C10orf143: variants seen among roughly 807,000 people sequenced by gnomAD.
The protein encoded by C10orf143 is chromosome 10 open reading frame 143.
chr10:130,072,925 G>A (rs1861055720), intron 3 of C10orf143, among the ~76,000 whole-genome samples: 1 of 152,196 alleles, frequency 6.6e-6, no homozygotes, highest in Non-Finnish European at 1.5e-5. Flanking sequence ...CTTGTTCAAT[G>A]CAAGGTTGCC....
chr10:130,063,245 A>T (rs1026293650), downstream of C10orf143, among the ~76,000 whole-genome samples: 1 of 152,228 alleles, frequency 6.6e-6, no homozygotes, highest in Non-Finnish European at 1.5e-5. Flanking sequence ...GAGGGTGAGA[A>T]GGAAGAGTTT....
At chr10:130,042,440 G>A (rs950805818) in intron 3 of C10orf143, among the ~76,000 whole-genome samples, 1 of 152,204 alleles carries the variant, frequency 6.6e-6, no homozygotes, top group African/African-American at 2.4e-5. Context: ...CATTGTGATC[G>A]ATTTCACCAT....
chr10:130,106,662 T>C (rs1292200241), intron 1 of C10orf143: 3 of 1,240,968 alleles, frequency 2.4e-6, no homozygotes, highest in South Asian at 2.4e-5. Context: ...CAACTGAAGA[T>C]AGCAATAAAA....
chr10:130,092,737 C>T (rs921438641), intron 1 of C10orf143, among the ~76,000 whole-genome samples: 13 of 151,574 alleles, frequency 8.6e-5, no homozygotes, highest in East Asian at 1.9e-4. Context: ...ACCAAGCAAA[C>T]GGAAAGCAAA....
chr10:130,073,329 G>A (rs925365983), intron 3 of C10orf143, among the ~76,000 whole-genome samples: 2 of 152,134 alleles, frequency 1.3e-5, no homozygotes, highest in Non-Finnish European at 2.9e-5. Context: ...TAAACTTGGA[G>A]CCCATACCCA....
At chr10:130,035,720 C>G (rs1470162212) in intron 4 of C10orf143, 1 of 152,342 alleles carries the variant, frequency 6.6e-6, no homozygotes, top group Non-Finnish European at 1.5e-5. Flanking sequence ...AGTAGACCAC[C>G]ACACATCATG....
Position 130,056,445 on chromosome 10 carries a change from T to G in C10orf143, c.298-20475A>C, listed in dbSNP as rs763521564. ...TTCAGTGAATACCCCAGGACCTTCA[T>G]GTGGGTGACTGAGAACTCATACTTG... On this transcript the variant is annotated intron_variant and NMD_transcript_variant, in intron 3 of 5. Transcript: ENST00000643056. This position sits in a 1 kb window ranked among gnomAD's most constrained non-coding sequence, Gnocchi z 4.6. Among the ~76,000 whole-genome samples the G allele has an allele frequency of 2.6e-5, 4 of 152,192 alleles. No homozygotes were observed. Among genetic ancestry groups the G allele is most frequent in the Non-Finnish European group, 5.9e-5 (4 of 68,044 alleles).
At chr10:130,077,715 T>A (rs1861141612) in intron 3 of C10orf143, among the ~76,000 whole-genome samples, 2 of 152,264 alleles carry the variant, frequency 1.3e-5, no homozygotes, top group Admixed American at 6.5e-5. Flanking sequence ...TGCTTTTTAT[T>A]TAACACTGAA....
chr10:130,109,635 A>G (rs988651441), intron 1 of C10orf143, among the ~76,000 whole-genome samples: 25 of 152,258 alleles, frequency 1.6e-4, no homozygotes, highest in African/African-American at 6.0e-4. Flanking sequence ...CCTGCACCCT[A>G]GTAATATAAC....
At chr10:130,059,624 A>G (rs1159250125), downstream of C10orf143, among the ~76,000 whole-genome samples, 1 of 152,204 alleles carries the variant, frequency 6.6e-6, no homozygotes, top group East Asian at 1.9e-4. Context: ...TTCTACATCA[A>G]CTACCAATTT....
chr10:130,087,134 G>A (rs1861303247), intron 1 of C10orf143, among the ~76,000 whole-genome samples: 1 of 152,118 alleles, frequency 6.6e-6, no homozygotes, highest in Non-Finnish European at 1.5e-5. Flanking sequence ...TACTTACTGT[G>A]GATTATTGAG....
chr10:130,079,322 AC>A (rs1160704534), intron 3 of C10orf143, among the ~76,000 whole-genome samples: 1 of 152,150 alleles, frequency 6.6e-6, no homozygotes, highest in African/African-American at 2.4e-5. Context: ...CCTTTCCTAA[AC>A]CCTGTTTTTT....
intron 1 of C10orf143, among the ~76,000 whole-genome samples, chr10:130,091,728 T>C (rs1861385673): frequency 6.6e-6 from 1 of 152,146 alleles, no homozygotes; most frequent in Admixed American, 6.5e-5. Flanking sequence ...ATAAATGACC[T>C]GATGGAGCTG....
chr10:130,094,489 C>T (rs1220772475), intron 1 of C10orf143, among the ~76,000 whole-genome samples: 2 of 152,184 alleles, frequency 1.3e-5, no homozygotes, highest in Non-Finnish European at 2.9e-5. Flanking sequence ...AAAATACTGG[C>T]AAACTGATTC....
In C10orf143 at chr10:130,110,809, C is replaced by T. The variant is rs1861757435; in HGVS notation, c.-37G>A. ...GTCAAACCCTCCCGGCATCTCAGGCCTGGCCGAGGCCCGCGCACCACGCCC... is the reference window on the plus strand; with the variant it reads ...GTCAAACCCTCCCGGCATCTCAGGCTTGGCCGAGGCCCGCGCACCACGCCC... On this transcript the variant is annotated 5_prime_UTR_variant, in exon 1 of 4. Coordinates refer to ENST00000637128, the MANE Select transcript of C10orf143 (RefSeq NM_001355042.2). The T allele has an allele frequency of 2.5e-6, 1 of 398,788 alleles. No individual in the cohort carries two copies. Among genetic ancestry groups the T allele is most frequent in the South Asian group, 1.3e-4 (1 of 7,872 alleles). The allele number at this position is 398,788 out of a possible 1,614,324, so 24.7% of individuals were successfully genotyped here. A position where few individuals can be genotyped will look rare whatever the true frequency, so the allele number is the denominator to read the frequency against.
chr10:130,061,841 C>G (rs181588244), downstream of C10orf143, among the ~76,000 whole-genome samples: 7 of 152,144 alleles, frequency 4.6e-5, no homozygotes, highest in African/African-American at 1.7e-4. Flanking sequence ...CAGTTCTGCA[C>G]GGGGTGAGCT....
At chr10:130,050,372 C>T (rs1260384804) in intron 3 of C10orf143, among the ~76,000 whole-genome samples, 1 of 152,226 alleles carries the variant, frequency 6.6e-6, no homozygotes, top group Non-Finnish European at 1.5e-5. Context: ...GAGTTCAAGA[C>T]CAGCCTGAGC....
At chr10:130,106,193 G>C in intron 1 of C10orf143, 1 of 992,662 alleles carries the variant, frequency 1.0e-6, no homozygotes, top group South Asian at 1.3e-5. Flanking sequence ...TGCAGCTGTT[G>C]CTGCATTTTT....
At chr10:130,095,689 G>A (rs565023140) in intron 1 of C10orf143, among the ~76,000 whole-genome samples, 1 of 151,344 alleles carries the variant, frequency 6.6e-6, no homozygotes, top group South Asian at 2.1e-4. Context: ...CAAACAATGG[G>A]GAAAGGACTC....
Sources: allele counts gnomAD v4.1 joint callset (sites outside exome capture counted in the v4.1 genomes callset), GRCh38; gene constraint gnomAD v4.1.1; non-coding constraint Gnocchi (gnomAD v3.1); transcripts MANE v1.5; gene names NCBI Gene and HGNC (gene_info 2026-07-23, HGNC 2026-07-21).